Variants in ZNRF1 observed in about 807,000 individuals in gnomAD.
ZNRF1 encodes E3 ubiquitin-protein ligase ZNRF1.
ZNRF1 carries 3 observed loss-of-function variants against 18.4 expected under a neutral mutation model. The ratio of observed to expected loss-of-function variants is 0.16; its 90% CI spans 0.07 to 0.42. The LOEUF (loss-of-function observed/expected upper bound fraction) is 0.42. ZNRF1 is among the 10% of genes least tolerant of loss of function. The probability of loss-of-function intolerance (pLI) is 0.99; values close to 1 mark genes in which losing one functional copy is unlikely to be tolerated. For missense variants in ZNRF1, 310 were observed against 329.8 expected (o/e 0.94, Z 0.47); for synonymous variants, 157 against 144.2 (o/e 1.09, Z -0.64).
At chr16:75,060,175 T>G (rs1370794741) in intron 1 of ZNRF1, among the ~76,000 whole-genome samples, 1 of 150,878 alleles carries the variant, frequency 6.6e-6, no homozygotes, top group Non-Finnish European at 1.5e-5. Context: ...TGCCTCAGCC[T>G]CCCGAGTAGC....
intron 1 of ZNRF1, among the ~76,000 whole-genome samples, chr16:75,089,425 G>T (rs1024149758): frequency 2.6e-5 from 4 of 152,140 alleles, no homozygotes; most frequent in Non-Finnish European, 5.9e-5. Flanking sequence ...TATTTCTTGA[G>T]CTATGCCAAA....
In ZNRF1 at chr16:75,108,492, G is replaced by C; in HGVS notation, c.*792G>C. On this transcript the variant is annotated 3_prime_UTR_variant, in exon 5 of 5. Transcript: ENST00000335325. ...CAAAAAAAGACTTACTAAGAAATAT[G>C]TACAGCTACCCCTGTTTTCAGGCAC... 2.5e-6 allele frequency: 1 copy of C among 397,652 alleles called. No homozygotes were observed. The highest frequency in any genetic ancestry group is 4.4e-6 in the Non-Finnish European group (1 of 225,728). The allele number at this position is 397,652 out of a possible 1,614,324, so 24.6% of individuals were successfully genotyped here.
At chr16:75,104,711 G>A in intron 2 of ZNRF1, 73 bp from the exon 3 acceptor site, 1 of 1,346,588 alleles carries the variant, frequency 7.4e-7, no homozygotes, top group Non-Finnish European at 1.0e-6. Flanking sequence ...CTAGTTCCTA[G>A]GCCCTTGCTT....
chr16:75,016,699 C>CTTTTTTTT (rs35899706), intron 1 of ZNRF1, among the ~76,000 whole-genome samples: 9 of 99,512 alleles, frequency 9.0e-5, no homozygotes, highest in African/African-American at 3.0e-4. Context: ...CCATGCCTGG[C>CTTTTTTTT]TTTTTTTTTT....
At chr16:75,077,232 A>G (rs535074151) in intron 1 of ZNRF1, among the ~76,000 whole-genome samples, 15 of 152,290 alleles carry the variant, frequency 9.8e-5, no homozygotes, top group Non-Finnish European at 1.6e-4. Flanking sequence ...CTGTACTGAA[A>G]ATACAAAAAA....
chr16:75,003,647 C>A (rs2034881855), intron 1 of ZNRF1, among the ~76,000 whole-genome samples: 1 of 152,204 alleles, frequency 6.6e-6, no homozygotes, highest in Non-Finnish European at 1.5e-5. Context: ...CGCCTCTTAT[C>A]TGAAAACATC....
intron 1 of ZNRF1, among the ~76,000 whole-genome samples, chr16:75,073,310 T>C (rs1229686887): frequency 2.0e-5 from 3 of 152,124 alleles, no homozygotes; most frequent in Non-Finnish European, 2.9e-5. Context: ...GCTGTTGTTT[T>C]TCCTTTCTTT....
Position 75,009,897 on chromosome 16 carries a change from G to A in ZNRF1, c.424+9802G>A, listed in dbSNP as rs1235280113. ...ATTTCTCTAATGAATTAGTGATATT[G>A]AGCATCTTTTCATGTGTTTATTGGC... On this transcript the variant is annotated intron_variant, in intron 1 of 4. Coordinates refer to ENST00000335325, the MANE Select transcript of ZNRF1 (RefSeq NM_032268.5). 4.6e-5 allele frequency among the ~76,000 whole-genome samples: 7 copies of A among 151,766 alleles called. No homozygotes were observed. The East Asian group carries it at 1.2e-3, about 25-fold the overall frequency.
intron 1 of ZNRF1, among the ~76,000 whole-genome samples, chr16:75,040,200 A>G (rs2035426783): frequency 6.6e-6 from 1 of 151,114 alleles, no homozygotes. Flanking sequence ...GCGCACCACC[A>G]CGCATGGCTT....
At chr16:75,100,501 C>G (rs2036243621) in intron 2 of ZNRF1, among the ~76,000 whole-genome samples, 1 of 152,212 alleles carries the variant, frequency 6.6e-6, no homozygotes, top group Non-Finnish European at 1.5e-5. Context: ...TTCCCTGAAT[C>G]CATCACCTCC....
intron 1 of ZNRF1, among the ~76,000 whole-genome samples, chr16:75,042,353 A>G (rs1358381593): frequency 6.6e-6 from 1 of 151,898 alleles, no homozygotes; most frequent in East Asian, 1.9e-4. Context: ...TTCATCTAGA[A>G]GTTTTATAGT....
chr16:75,045,761 G>T (rs2035507261), intron 1 of ZNRF1, among the ~76,000 whole-genome samples: 1 of 150,526 alleles, frequency 6.6e-6, no homozygotes, highest in Non-Finnish European at 1.5e-5. Flanking sequence ...ATTCACCCAG[G>T]CTGGAGTGCA....
At chr16:75,024,129 C>G (rs1392737692) in intron 1 of ZNRF1, among the ~76,000 whole-genome samples, 1 of 152,078 alleles carries the variant, frequency 6.6e-6, no homozygotes, top group Non-Finnish European at 1.5e-5. Flanking sequence ...CTTGGCCTCC[C>G]AAAGTGCTGA....
intron 2 of ZNRF1, chr16:75,095,797 C>T: frequency 6.9e-7 from 1 of 1,455,114 alleles, no homozygotes; most frequent in Admixed American, 2.3e-5. Context: ...GGGACGCCAC[C>T]ATGTGTCCCC....
chr16:75,057,706 G>C (rs1444135888), intron 1 of ZNRF1, among the ~76,000 whole-genome samples: 1 of 152,186 alleles, frequency 6.6e-6, no homozygotes, highest in Non-Finnish European at 1.5e-5. Context: ...CACAACCTCA[G>C]CTTACTGCAA....
intron 1 of ZNRF1, among the ~76,000 whole-genome samples, chr16:75,007,935 G>A (rs1377457232): frequency 1.3e-5 from 2 of 152,052 alleles, no homozygotes; most frequent in African/African-American, 2.4e-5. Context: ...GCAAGATCAC[G>A]CTCACTGCAG....
intron 1 of ZNRF1, among the ~76,000 whole-genome samples, chr16:75,052,861 C>T (rs1008103907): frequency 2.0e-5 from 3 of 152,236 alleles, no homozygotes; most frequent in Non-Finnish European, 4.4e-5. Flanking sequence ...TTAATCATTG[C>T]ATGATCTCTT....
chr16:75,030,651 T>C (rs1597868224), intron 1 of ZNRF1, among the ~76,000 whole-genome samples: 1 of 152,212 alleles, frequency 6.6e-6, no homozygotes, highest in Admixed American at 6.6e-5. Context: ...AGCTCTGTTT[T>C]CCTCCATTTT....
At chr16:75,043,473 G>T (rs78097151) in intron 1 of ZNRF1, among the ~76,000 whole-genome samples, 254 of 152,256 alleles carry the variant, frequency 1.7e-3, no homozygotes, top group Non-Finnish European at 2.3e-3. Context: ...AAACTGTACA[G>T]TTCTTATCTT....
Sources: allele counts gnomAD v4.1 joint callset (sites outside exome capture counted in the v4.1 genomes callset), GRCh38; gene constraint gnomAD v4.1.1; transcripts MANE v1.5; gene names NCBI Gene and HGNC (gene_info 2026-07-23, HGNC 2026-07-21).